Variants in HYCC1 observed in about 807,000 individuals in gnomAD.
HYCC1 encodes the protein hyccin.
the HYCC1 span, chr7:22,939,359 A>C: frequency 6.6e-6 from 1 of 152,194 alleles, no homozygotes. Context: ...ATTCATTTGT[A>C]CCAATCTACA....
chr7:22,953,128 C>G, the HYCC1 span, among the ~76,000 whole-genome samples: 1 of 151,852 alleles, frequency 6.6e-6, no homozygotes, highest in South Asian at 2.1e-4. Flanking sequence ...TTTATTAAGT[C>G]TCAAGTTTTA....
At chr7:22,958,163 G>A in the HYCC1 span, among the ~76,000 whole-genome samples, 1 of 152,048 alleles carries the variant, frequency 6.6e-6, no homozygotes. Context: ...GTAGGAAGCA[G>A]GACCATGAGG....
the HYCC1 span, among the ~76,000 whole-genome samples, chr7:22,895,869 G>A: frequency 2.6e-5 from 4 of 152,212 alleles, no homozygotes; most frequent in East Asian, 1.9e-4. Flanking sequence ...TTATTATGAT[G>A]ATTTCCTTAT....
the HYCC1 span, among the ~76,000 whole-genome samples, chr7:23,012,757 G>A: frequency 6.6e-6 from 1 of 152,150 alleles, no homozygotes; most frequent in Non-Finnish European, 1.5e-5. Context: ...GCAGTAGAAT[G>A]TTTTCATGGA....
At chr7:22,937,250 C>A in the HYCC1 span, 61,564 of 148,686 alleles carry the variant, frequency 0.41, 12,426 homozygotes, top group East Asian at 0.52. Context: ...TTCAGTAGGC[C>A]GTAGTGGATC....
chr7:22,991,716 A>C, the HYCC1 span, among the ~76,000 whole-genome samples: 3 of 152,112 alleles, frequency 2.0e-5, no homozygotes, highest in Non-Finnish European at 4.4e-5. Context: ...TTAAAGAAGT[A>C]AGCTAAAGGA....
chr7:22,948,384 T>TAA, the HYCC1 span, among the ~76,000 whole-genome samples: 1 of 152,108 alleles, frequency 6.6e-6, no homozygotes, highest in Non-Finnish European at 1.5e-5. Context: ...CACATATTAC[T>TAA]GTGGTTCCCT....
At chr7:22,953,840 G>A in the HYCC1 span, among the ~76,000 whole-genome samples, 1 of 151,744 alleles carries the variant, frequency 6.6e-6, no homozygotes, top group Non-Finnish European at 1.5e-5. Flanking sequence ...GAATCTGAAA[G>A]TAATGGAGCT....
chr7:22,995,933 C>T, the HYCC1 span, among the ~76,000 whole-genome samples: 30 of 152,300 alleles, frequency 2.0e-4, 1 homozygote, highest in South Asian at 2.5e-3. Context: ...AAAATGATTA[C>T]AGACATGAGC....
the HYCC1 span, among the ~76,000 whole-genome samples, chr7:22,930,401 A>G: frequency 2.6e-5 from 4 of 151,194 alleles, no homozygotes; most frequent in African/African-American, 7.3e-5. Flanking sequence ...AAGAAAAAAA[A>G]AAAAGAAAAG....
the HYCC1 span, among the ~76,000 whole-genome samples, chr7:22,927,853 G>C: frequency 1.3e-5 from 2 of 152,186 alleles, no homozygotes; most frequent in Non-Finnish European, 2.9e-5. Context: ...GCATCATCCT[G>C]ATACCAAAGC....
the HYCC1 span, among the ~76,000 whole-genome samples, chr7:22,970,305 T>TA: frequency 6.7e-6 from 1 of 149,706 alleles, no homozygotes; most frequent in African/African-American, 2.4e-5. Context: ...TTTTTAAAAG[T>TA]AAAAATCCAA....
At chr7:22,927,448 A>C in the HYCC1 span, among the ~76,000 whole-genome samples, 1 of 152,194 alleles carries the variant, frequency 6.6e-6, no homozygotes, top group Admixed American at 6.5e-5. Context: ...CAAGACTAAT[A>C]AAGAAGAAAA....
the HYCC1 span, among the ~76,000 whole-genome samples, chr7:22,914,999 C>T: frequency 4.6e-5 from 7 of 152,324 alleles, no homozygotes; most frequent in African/African-American, 1.7e-4. Context: ...CTTTATCCGA[C>T]CTCTCCCAAA....
the HYCC1 span, among the ~76,000 whole-genome samples, chr7:22,979,601 C>T: frequency 1.3e-5 from 2 of 152,102 alleles, no homozygotes; most frequent in African/African-American, 4.8e-5. Context: ...ATTTTCTTTG[C>T]GGACCCACAT....
At chr7:22,963,616 C>T in the HYCC1 span, among the ~76,000 whole-genome samples, 1 of 152,128 alleles carries the variant, frequency 6.6e-6, no homozygotes, top group African/African-American at 2.4e-5. Context: ...TCTTAATGGG[C>T]CAGACAATAA....
chr7:23,014,007 C>T, the HYCC1 span: 1,702 of 471,144 alleles, frequency 3.6e-3, 33 homozygotes, highest in Non-Finnish European at 1.1e-3. Context: ...TCTGCTTCCT[C>T]CCGAGTAGCA....
At chr7:22,960,448 T>C in the HYCC1 span, 3 of 1,561,724 alleles carry the variant, frequency 1.9e-6, no homozygotes, top group Non-Finnish European at 2.6e-6. Context: ...AAGATCAACA[T>C]GAGCAGATAG....
the HYCC1 span, among the ~76,000 whole-genome samples, chr7:23,004,274 T>C: frequency 6.6e-5 from 10 of 152,252 alleles, no homozygotes; most frequent in Non-Finnish European, 1.5e-4. Flanking sequence ...CATTTCTTTT[T>C]CAATTACACA....
Sources: allele counts gnomAD v4.1 joint callset (sites outside exome capture counted in the v4.1 genomes callset), GRCh38; gene constraint gnomAD v4.1.1; transcripts MANE v1.5; gene names NCBI Gene and HGNC (gene_info 2026-07-23, HGNC 2026-07-21).